Variants in BICDL2 observed in about 807,000 individuals in gnomAD.
BICDL2 encodes the protein BICD family-like cargo adapter 2.
A neutral mutation model predicts 56.6 loss-of-function variants in BICDL2; 62 were observed. The ratio of observed to expected loss-of-function variants is 1.10; its 90% CI spans 0.89 to 1.35. The LOEUF (loss-of-function observed/expected upper bound fraction) is 1.35, where lower values mean the gene tolerates loss of function less well. BICDL2 is among the 40% of genes most tolerant of loss of function. The pLI, the probability that BICDL2 is intolerant of heterozygous loss-of-function variation, is 0.00. For synonymous variants in BICDL2, 358 were observed against 319.8 expected, an observed-to-expected ratio of 1.12 and a Z score of -1.27; for missense variants, 808 against 684.5, an observed-to-expected ratio of 1.18 and a Z score of -2.01.
rs1955590429 is a variant in BICDL2, at chr16:3,028,446, G to A, written c.1261C>T (p.Leu421Phe). The A allele has an allele frequency of 6.4e-7, 1 of 1,568,044 alleles. No homozygotes were observed. The highest frequency in any genetic ancestry group is 8.6e-7 in the Non-Finnish European group (1 of 1,165,630). ...TCTCGCTCCAGCGAGACGCGGTTGA[G>A]CTGCAGGGACAGCTCCAGGGCCCTA... ...VNKALELSLQLNRVSLERDSL... is the reference protein window; with the variant it reads ...VNKALELSLQFNRVSLERDSL... Residue 421 changes from leucine to phenylalanine, a missense_variant, in exon 9 of 10, where the codon CTC (leucine) becomes TTC (phenylalanine). Transcript: ENST00000572449.
chr16:3,030,795 C>T lies in BICDL2; in HGVS notation c.516G>A (p.Gln172=). 1 of 1,610,564 alleles carries T rather than the reference C, an allele frequency of 6.2e-7. No homozygotes were observed. The highest frequency in any genetic ancestry group is 8.5e-7 in the Non-Finnish European group (1 of 1,179,072). The part of the protein sequence containing the change: ...QQLAQASQTE[Q]ELQRELDALR... Reference sequence around the variant, plus strand: ...GGGCGTCCAGTTCCCTCTGAAGTTCCTGCTCAGTCTGGGAGGCCTGGGGAG... The same window carrying T: ...GGGCGTCCAGTTCCCTCTGAAGTTCTTGCTCAGTCTGGGAGGCCTGGGGAG... The change falls in exon 4 of 10, where the codon CAG becomes CAA. Residue 172 remains glutamine, a synonymous_variant. Coordinates refer to ENST00000572449, the MANE Select transcript of BICDL2 (RefSeq NM_001369667.1).
chr16:3,028,842 G>GCTCT lies in BICDL2; in HGVS notation c.1108-13_1108-12insAGAG, dbSNP rs1195526793. 2 of 1,537,642 alleles carry GCTCT rather than the reference G, an allele frequency of 1.3e-6. No individual in the cohort carries two copies. The highest frequency in any genetic ancestry group is 2.7e-5 in the African/African-American group (2 of 73,062). On this transcript the variant is annotated splice_polypyrimidine_tract_variant and intron_variant, in intron 7 of 9. Transcript: ENST00000572449. ...TGCTGCAGCGAGATCTGTGAGCAGA[G>GCTCT]GAGGGGGGCCGTGCGGCAGATGGGC...
At chr16:3,036,411 A>G in intron 1 of BICDL2, 1 of 455,114 alleles carries the variant, frequency 2.2e-6, no homozygotes, top group Non-Finnish European at 4.4e-6. Flanking sequence ...AGAGGGCCCG[A>G]CACAACAGCT....
chr16:3,027,952 A>T lies in BICDL2; in HGVS notation c.*154T>A. ...CCCACAAAGCTGGCCCCTGCTCCGGATGAGCCCCTGCTCCCGATGAGCCCT... is the reference window on the plus strand; with the variant it reads ...CCCACAAAGCTGGCCCCTGCTCCGGTTGAGCCCCTGCTCCCGATGAGCCCT... On this transcript the variant is annotated 3_prime_UTR_variant, in exon 10 of 10. Coordinates refer to ENST00000572449, the MANE Select transcript of BICDL2 (RefSeq NM_001369667.1). 8.5e-7 allele frequency: 1 copy of T among 1,178,952 alleles called. No homozygotes were observed. The allele number at this position is 1,178,952 out of a possible 1,614,324, so 73.0% of individuals were successfully genotyped here. A position where few individuals can be genotyped will look rare whatever the true frequency, so the allele number is the denominator to read the frequency against.
Position 3,029,330 on chromosome 16 carries a change from C to G in BICDL2, c.1057G>C (p.Ala353Pro), listed in dbSNP as rs774472557. 1.2e-6 allele frequency: 2 copies of G among 1,611,382 alleles called. No individual in the cohort carries two copies. The highest frequency in any genetic ancestry group is 1.7e-6 in the Non-Finnish European group (2 of 1,179,466). Residue 353 changes from alanine (A) to proline (P), a missense_variant, in exon 7 of 10, where the codon GCG becomes CCG. Coordinates refer to ENST00000572449, the MANE Select transcript of BICDL2 (RefSeq NM_001369667.1). Reference sequence around the variant, plus strand: ...ACCTCCTTCTCCTCCAGTATCTCCGCTGGACTGAGGGATGTTCGCTTCTTG... The same window carrying G: ...ACCTCCTTCTCCTCCAGTATCTCCGGTGGACTGAGGGATGTTCGCTTCTTG... ...PPKKRTSLSPAEILEEKEVEV... is the reference protein window; with the variant it reads ...PPKKRTSLSPPEILEEKEVEV...
intron 7 of BICDL2, among the ~76,000 whole-genome samples, 163 bp downstream of exon 7, chr16:3,029,117 C>T (rs1282635591): frequency 2.0e-5 from 3 of 152,104 alleles, no homozygotes; most frequent in African/African-American, 2.4e-5. Context: ...GGAAGTCTTC[C>T]TGGAGGAGGT....
intron 2 of BICDL2, chr16:3,031,352 C>T: frequency 1.7e-6 from 1 of 593,268 alleles, no homozygotes; most frequent in Non-Finnish European, 3.0e-6. Context: ...TCCGAGCAGA[C>T]AGGACGCGTG....
intron 2 of BICDL2, 39 bp downstream of exon 2, chr16:3,035,176 T>TTGGCCCCGGGGGGGGGGGGGGGGGGG: frequency 2.2e-5 from 3 of 136,274 alleles, no homozygotes; most frequent in East Asian, 1.4e-4. Flanking sequence ...CGTCCTCCCC[T>TTGGCCCCGGGGGGGGGGGGGGGGGGG]GCCCACCCAC....
At chr16:3,035,185 A>ACCCCCCCCCCCCCCCCCCCCCCCCCCC in intron 2 of BICDL2, 30 bp downstream of exon 2, 1 of 41,126 alleles carries the variant, frequency 2.4e-5, no homozygotes, top group African/African-American at 3.2e-4. Context: ...CTGCCCACCC[A>ACCCCCCCCCCCCCCCCCCCCCCCCCCC]CCCACCCACC....
At position 3,028,453 on chromosome 16, in the gene BICDL2, G is replaced by T. The variant is rs1368385355; in HGVS notation, c.1254C>A (p.Ser418=). 1 of 1,570,240 alleles carries T rather than the reference G, an allele frequency of 6.4e-7. No individual in the cohort carries two copies. Among genetic ancestry groups the T allele is most frequent in the South Asian group, 1.1e-5 (1 of 87,410 alleles). Residue 418 remains serine (S), a synonymous_variant, in exon 9 of 10, where the codon TCC becomes TCA. Coordinates refer to ENST00000572449, the MANE Select transcript of BICDL2 (RefSeq NM_001369667.1). ...CCAGCGAGACGCGGTTGAGCTGCAG[G>T]GACAGCTCCAGGGCCCTAGGCGGGC... ...DEAVNKALEL[S]LQLNRVSLER...
At position 3,029,260 on chromosome 16, in the gene BICDL2, C is replaced by T. The variant is rs1414600355; in HGVS notation, c.1107+20G>A. On this transcript the variant is annotated intron_variant, in intron 7 of 9. Transcript: ENST00000572449. The stretch of plus-strand genomic sequence containing the variant: ...ACAGCTGGAGGGGCCGTGCATCCAG[C>T]ACCGTGCCCTCTGCCCCACCTCATC... 1.2e-6 allele frequency: 2 copies of T among 1,605,856 alleles called. No homozygotes were observed. Among genetic ancestry groups the T allele is most frequent in the East Asian group, 2.2e-5 (1 of 44,662 alleles).
chr16:3,029,045 C>A (rs1485061913), intron 7 of BICDL2, among the ~76,000 whole-genome samples: 1 of 152,160 alleles, frequency 6.6e-6, no homozygotes, highest in African/African-American at 2.4e-5. Context: ...AGTGGTATAA[C>A]CCTGCAGGAG....
In BICDL2 at chr16:3,031,076, C is replaced by T; in HGVS notation, c.357G>A (p.Val119=). Residue 119 remains valine (V), a synonymous_variant, in exon 3 of 10, where the codon GTG becomes GTA. Transcript: ENST00000572449. ...ARGAEWEARA[V]ELEGDVEALR... ...GGGCCTCCACGTCCCCCTCCAGCTCCACGGCCCGGGCCTCCCACTCGGCTC... is the reference window on the plus strand; with the variant it reads ...GGGCCTCCACGTCCCCCTCCAGCTCTACGGCCCGGGCCTCCCACTCGGCTC... The T allele has an allele frequency of 6.5e-7, 1 of 1,537,086 alleles. No homozygotes were observed. The highest frequency in any genetic ancestry group is 8.7e-7 in the Non-Finnish European group (1 of 1,146,786).
rs1596479921 is a variant in BICDL2, at chr16:3,027,995, C to T, written c.*111G>A. The T allele has an allele frequency of 5.3e-6, 7 of 1,330,322 alleles. No individual in the cohort carries two copies. Among genetic ancestry groups the T allele is most frequent in the South Asian group, 1.8e-5 (1 of 56,714 alleles). 82.4% of individuals were successfully genotyped at this position (1,330,322 alleles called of 1,614,324 possible). On this transcript the variant is annotated 3_prime_UTR_variant, in exon 10 of 10. Coordinates refer to ENST00000572449, the MANE Select transcript of BICDL2 (RefSeq NM_001369667.1). ...TGAGCCCTTGCCCAGCATCCTGGGG[C>T]GGGGAGGGCATCAGCTTCTTTTGGA...
intron 2 of BICDL2, chr16:3,034,840 A>C (rs1955708070): frequency 9.8e-6 from 2 of 204,606 alleles, no homozygotes; most frequent in African/African-American, 4.6e-5. Flanking sequence ...CGGCCTCCTG[A>C]GTAGCTGAGA....
Position 3,029,621 on chromosome 16 carries a change from G to T in BICDL2, c.881C>A (p.Ser294Ter), listed in dbSNP as rs535630598. 5.9e-6 allele frequency: 9 copies of T among 1,537,368 alleles called. No individual in the cohort carries two copies. The South Asian group carries it at 8.4e-5, about 14-fold the overall frequency. ...GCTGTGGGCCAGTTCTGACTGCAAC[G>T]AGGCAGCCGACACGTCGGCGTCCTG... ...RLQDADVSAA[S>*]LQSELAHSLD... The change falls in exon 6 of 10, where the codon TCG becomes TAG. Residue 294 changes from serine to a stop codon, truncating the protein, a stop_gained. Coordinates refer to ENST00000572449, the MANE Select transcript of BICDL2 (RefSeq NM_001369667.1). LOFTEE classifies it high-confidence loss of function.
intron 8 of BICDL2, 65 bp downstream of exon 8, chr16:3,028,635 G>A: frequency 6.5e-7 from 1 of 1,534,488 alleles, no homozygotes; most frequent in Non-Finnish European, 8.8e-7. Flanking sequence ...CGTATCAGAA[G>A]AGGAATCAGG....
rs2072842785 is a variant in BICDL2 at position 3,027,854 on chromosome 16, G to C, written c.*252C>G. On this transcript the variant is annotated 3_prime_UTR_variant, in exon 10 of 10. Transcript: ENST00000572449. ...AATACCCAGCCCCATCCCTGCCCTAGAAAAGATAGACGTATATTAATTCGG... is the reference window on the plus strand; with the variant it reads ...AATACCCAGCCCCATCCCTGCCCTACAAAAGATAGACGTATATTAATTCGG... 2 of 828,590 alleles carry C rather than the reference G, an allele frequency of 2.4e-6. No homozygotes were observed. Among genetic ancestry groups the C allele is most frequent in the Admixed American group, 3.3e-5 (1 of 30,474 alleles). 51.3% of individuals were successfully genotyped at this position (828,590 alleles called of 1,614,324 possible). A position where few individuals can be genotyped will look rare whatever the true frequency, so the allele number is the denominator to read the frequency against.
At chr16:3,036,532 T>G in intron 1 of BICDL2, 1 of 455,352 alleles carries the variant, frequency 2.2e-6, no homozygotes, top group Non-Finnish European at 4.4e-6. Flanking sequence ...AGGACGTGAG[T>G]GTCACGGTGG....
Sources: gnomAD v4.1 joint callset for allele counts (sites outside exome capture counted in the v4.1 genomes callset) on GRCh38, gnomAD v4.1.1 for gene constraint, MANE v1.5 for transcripts, NCBI Gene and HGNC (gene_info 2026-07-23, HGNC 2026-07-21) for gene names.